Variants in AIFM2 observed in about 807,000 individuals in gnomAD.
The protein encoded by AIFM2 is ferroptosis suppressor protein 1.
In AIFM2, 38 loss-of-function variants were observed where a neutral mutation model predicts 35.7. That is an observed-to-expected ratio of 1.06 (90% CI 0.82 to 1.39). AIFM2 has a LOEUF of 1.39. Ranked by LOEUF, AIFM2 falls within the 40% of genes most tolerant of loss-of-function variation. The pLI, the probability that AIFM2 is intolerant of heterozygous loss-of-function variation, is 0.00. For missense variants in AIFM2, 476 were observed against 491.2 expected, an observed-to-expected ratio of 0.97 and a Z score of 0.29; for synonymous variants, 185 against 203.5, an observed-to-expected ratio of 0.91 and a Z score of 0.77.
At chr10:70,116,524 A>T (rs1446825157) in intron 7 of AIFM2, 98 bp downstream of exon 7, 1 of 1,460,636 alleles carries the variant, frequency 6.8e-7, no homozygotes, top group African/African-American at 1.4e-5. Context: ...GGGGGAAGGC[A>T]GCAAGGTGTG....
In AIFM2 at chr10:70,121,227, A is replaced by G; in HGVS notation, c.295-16T>C. On this transcript the variant is annotated splice_polypyrimidine_tract_variant and intron_variant, in intron 3 of 8. Coordinates refer to ENST00000307864, the MANE Select transcript of AIFM2 (RefSeq NM_032797.6). ...AGGGCAGGGCCTGAGAGAAACCAAA[A>G]AAAAAAAAAAAAAAAAAAAAAAAAA... 1 of 1,079,048 alleles carries G rather than the reference A, an allele frequency of 9.3e-7. No individual in the cohort carries two copies. The highest frequency in any genetic ancestry group is 2.5e-5 in the African/African-American group (1 of 39,646). 66.8% of individuals were successfully genotyped at this position (1,079,048 alleles called of 1,614,324 possible).
chr10:70,130,320 C>A (rs1438510937), intron 1 of AIFM2, among the ~76,000 whole-genome samples: 2 of 152,118 alleles, frequency 1.3e-5, no homozygotes, highest in Admixed American at 1.3e-4. Flanking sequence ...AATCCTGTAC[C>A]CCACCTACCC....
chr10:70,112,591 A>C lies in AIFM2; in HGVS notation c.*1587T>G, dbSNP rs2072387348. On this transcript the variant is annotated 3_prime_UTR_variant, in exon 9 of 9. Transcript: ENST00000307864. ...AGGCCTGGGCGACAGCCCCAACGGG[A>C]TGGCCTGAGAACCCCAGAGAGGCTG... 1 of 149,002 alleles carries C rather than the reference A, an allele frequency of 6.7e-6. No individual in the cohort carries two copies. The highest frequency in any genetic ancestry group is 6.7e-5 in the Admixed American group (1 of 14,994). The allele number at this position is 149,002 out of a possible 1,614,324, so 9.2% of individuals were successfully genotyped here.
At position 70,131,664 on chromosome 10, in the gene AIFM2, G is replaced by C. The variant is rs768049428; in HGVS notation, c.-14+1070C>G. Among the ~76,000 whole-genome samples the C allele has an allele frequency of 4.6e-5, 7 of 152,188 alleles. No homozygotes were observed. The highest frequency in any genetic ancestry group is 1.3e-4 in the Admixed American group (2 of 15,280). On this transcript the variant is annotated intron_variant, in intron 1 of 8. Transcript: ENST00000307864. The surrounding 1 kb of genome is among the most constrained non-coding windows in gnomAD (Gnocchi z 4.1). ...GGACGCTGGCTTCATTTGGCCACCA[G>C]ACAAAAGTCAGGCTGGCCCTGGAGT...
rs1447261504 is a variant in AIFM2 at position 70,113,239 on chromosome 10, A to T, written c.*939T>A. 8.5e-5 allele frequency: 13 copies of T among 152,370 alleles called. No homozygotes were observed. Among genetic ancestry groups the T allele is most frequent in the Middle Eastern group, 3.4e-3 (1 of 294 alleles). 9.4% of individuals were successfully genotyped at this position (152,370 alleles called of 1,614,324 possible). A position where few individuals can be genotyped will look rare whatever the true frequency, so the allele number is the denominator to read the frequency against. ...GTATGGAGTAGGATCTAAAAGTGGA[A>T]ATGTGCTGGCCGCAGTGGCTCACGC... On this transcript the variant is annotated 3_prime_UTR_variant, in exon 9 of 9. Transcript: ENST00000307864.
chr10:70,132,524 C>A (rs58887224), intron 1 of AIFM2, among the ~76,000 whole-genome samples: 4,243 of 152,320 alleles, frequency 0.028, 218 homozygotes, highest in African/African-American at 0.096. Flanking sequence ...GCCAGGAGCA[C>A]ATCTCCCTGT....
chr10:70,124,156 A>G, intron 1 of AIFM2, 59 bp from the exon 2 acceptor site: 1 of 1,300,834 alleles, frequency 7.7e-7, no homozygotes, highest in Non-Finnish European at 1.0e-6. Context: ...GGCTGGGAGG[A>G]CCCACAGTGA....
Position 70,112,597 on chromosome 10 carries a change from T to TA in AIFM2, c.*1580_*1581insT, listed in dbSNP as rs1167440686. 1 of 152,110 alleles carries TA rather than the reference T, an allele frequency of 6.6e-6. No homozygotes were observed. Among genetic ancestry groups the TA allele is most frequent in the Non-Finnish European group, 1.5e-5 (1 of 68,056 alleles). 9.4% of individuals were successfully genotyped at this position (152,110 alleles called of 1,614,324 possible). On this transcript the variant is annotated 3_prime_UTR_variant, in exon 9 of 9. Transcript: ENST00000307864. ...GGGCGACAGCCCCAACGGGATGGCC[T>TA]GAGAACCCCAGAGAGGCTGGTGTCC...
chr10:70,121,500 G>C (rs1157876019), intron 3 of AIFM2, among the ~76,000 whole-genome samples: 3 of 152,210 alleles, frequency 2.0e-5, no homozygotes, highest in African/African-American at 7.2e-5. Flanking sequence ...GGCAGTGGGA[G>C]GGGTGCCTGG....
chr10:70,118,360 C>T (rs2072461968), intron 5 of AIFM2: 1 of 155,956 alleles, frequency 6.4e-6, no homozygotes, highest in African/African-American at 2.4e-5. Flanking sequence ...GCGTCCCGGG[C>T]ACCTCATGTT....
chr10:70,127,419 G>A (rs1223961820), intron 1 of AIFM2, among the ~76,000 whole-genome samples: 4 of 152,232 alleles, frequency 2.6e-5, no homozygotes, highest in Non-Finnish European at 5.9e-5. Context: ...CTTCCTAGCA[G>A]AGGAAACAAC....
intron 1 of AIFM2, among the ~76,000 whole-genome samples, chr10:70,124,376 C>T (rs980370868): frequency 2.0e-5 from 3 of 152,226 alleles, no homozygotes; most frequent in African/African-American, 7.2e-5. Context: ...GTTTATGCAA[C>T]TATAATCACG....
Position 70,121,212 on chromosome 10 carries a change from C to G in AIFM2, c.295-1G>C. The G allele has an allele frequency of 1.5e-6, 1 of 650,110 alleles. No homozygotes were observed. The highest frequency in any genetic ancestry group is 2.5e-6 in the Non-Finnish European group (1 of 405,014). 40.3% of individuals were successfully genotyped at this position (650,110 alleles called of 1,614,324 possible). ...GGATAAGATGAGAGAAGGGCAGGGC[C>G]TGAGAGAAACCAAAAAAAAAAAAAA... On this transcript the variant is annotated splice_acceptor_variant, in intron 3 of 8. Transcript: ENST00000307864. LOFTEE classifies it high-confidence loss of function.
intron 1 of AIFM2, among the ~76,000 whole-genome samples, chr10:70,127,200 C>T (rs1251285882): frequency 6.6e-6 from 1 of 152,222 alleles, no homozygotes; most frequent in Non-Finnish European, 1.5e-5. Context: ...CTGGGTCTTA[C>T]CCTTGGGGCT....
At chr10:70,130,549 A>G (rs1444128257) in intron 1 of AIFM2, among the ~76,000 whole-genome samples, 1 of 152,182 alleles carries the variant, frequency 6.6e-6, no homozygotes, top group Admixed American at 6.5e-5. Flanking sequence ...AATAGACCAC[A>G]TTTTGTTTAT....
chr10:70,119,227 G>A (rs184358734), intron 5 of AIFM2, among the ~76,000 whole-genome samples: 5 of 152,250 alleles, frequency 3.3e-5, no homozygotes, highest in East Asian at 3.9e-4. Flanking sequence ...AACATCCTTC[G>A]TCATAAATCA....
intron 5 of AIFM2, among the ~76,000 whole-genome samples, chr10:70,118,692 C>T (rs1469656074): frequency 6.6e-6 from 1 of 152,206 alleles, no homozygotes; most frequent in Non-Finnish European, 1.5e-5. Flanking sequence ...ATATATTGGT[C>T]TCTGCCCCCA....
chr10:70,117,361 A>C lies in AIFM2; in HGVS notation c.616+451T>G, dbSNP rs1031495599. ...CTGGAAGAGAACCTCACTTTCCAGC[A>C]TTTGCTGGGTGGGTCTCGTCCCCTG... On this transcript the variant is annotated intron_variant, in intron 6 of 8. Transcript: ENST00000307864. This position sits in a 1 kb window ranked among gnomAD's most constrained non-coding sequence, Gnocchi z 4.7. Among the ~76,000 whole-genome samples, 1 of 152,180 alleles carries C rather than the reference A, an allele frequency of 6.6e-6. No homozygotes were observed. Among genetic ancestry groups the C allele is most frequent in the Non-Finnish European group, 1.5e-5 (1 of 68,024 alleles).
chr10:70,123,177 C>A (rs2072528031), intron 3 of AIFM2, among the ~76,000 whole-genome samples: 2 of 152,316 alleles, frequency 1.3e-5, no homozygotes, highest in Admixed American at 6.5e-5. Context: ...CACCACCACA[C>A]CCAGCTAATT....
Sources: allele counts gnomAD v4.1 joint callset (sites outside exome capture counted in the v4.1 genomes callset), GRCh38; gene constraint gnomAD v4.1.1; non-coding constraint Gnocchi (gnomAD v3.1); transcripts MANE v1.5; gene names NCBI Gene and HGNC (gene_info 2026-07-23, HGNC 2026-07-21).